Variants in DISC1 observed in about 807,000 individuals in gnomAD.
The protein encoded by DISC1 is disrupted in schizophrenia 1 protein.
In DISC1, 57 loss-of-function variants were observed where a neutral mutation model predicts 84.5. The ratio of observed to expected loss-of-function variants is 0.67; its 90% CI spans 0.55 to 0.84. The LOEUF (loss-of-function observed/expected upper bound fraction) is 0.84, where lower values mean the gene tolerates loss of function less well. DISC1 is among the 40% of genes least tolerant of loss of function. DISC1 has a pLI of 0.00. For synonymous variants in DISC1, 411 were observed against 415.2 expected (o/e 0.99, Z 0.12); for missense variants, 1,000 against 1,057.8 (o/e 0.95, Z 0.76).
intron 1 of DISC1, among the ~76,000 whole-genome samples, chr1:231,676,893 C>T (rs2063207194): frequency 6.6e-6 from 1 of 152,094 alleles, no homozygotes; most frequent in Admixed American, 6.6e-5. Flanking sequence ...TGGATGTTGC[C>T]AGGGGTTAGA....
chr1:231,805,601 A>G (rs1190010967), intron 8 of DISC1, among the ~76,000 whole-genome samples: 1 of 151,914 alleles, frequency 6.6e-6, no homozygotes, highest in Non-Finnish European at 1.5e-5. Flanking sequence ...AACTGCCCCT[A>G]TGATCCAATC....
intron 9 of DISC1, among the ~76,000 whole-genome samples, chr1:231,891,164 T>C (rs2087179052): frequency 1.3e-5 from 2 of 152,136 alleles, no homozygotes; most frequent in African/African-American, 4.8e-5. Flanking sequence ...AGGAGAATTG[T>C]CTTGGGCCAC....
At chr1:231,778,650 A>G (rs2125509808) in intron 6 of DISC1, among the ~76,000 whole-genome samples, 1 of 152,290 alleles carries the variant, frequency 6.6e-6, no homozygotes, top group African/African-American at 2.4e-5. Context: ...AACGTGGAAA[A>G]GTTTACCAGA....
chr1:231,686,839 C>A (rs545423437), intron 1 of DISC1, among the ~76,000 whole-genome samples: 1 of 152,166 alleles, frequency 6.6e-6, no homozygotes, highest in East Asian at 1.9e-4. Flanking sequence ...CCCATGTCAC[C>A]TCTTGAAGGC....
intron 6 of DISC1, among the ~76,000 whole-genome samples, chr1:231,790,678 T>C (rs1221524526): frequency 2.6e-5 from 4 of 151,790 alleles, no homozygotes; most frequent in Non-Finnish European, 4.4e-5. Context: ...GCCACCACGC[T>C]CGGCTAATTT....
chr1:231,685,885 T>C (rs1256114917), intron 1 of DISC1, among the ~76,000 whole-genome samples: 1 of 152,170 alleles, frequency 6.6e-6, no homozygotes, highest in African/African-American at 2.4e-5. Context: ...GGTACCAGTA[T>C]TGGGTAAATA....
chr1:231,884,602 C>T (rs114594092), intron 9 of DISC1, among the ~76,000 whole-genome samples: 76 of 152,122 alleles, frequency 5.0e-4, no homozygotes, highest in Non-Finnish European at 8.1e-4. Flanking sequence ...TATCTTCCTT[C>T]GGGTGTATAA....
chr1:231,666,267 G>T (rs1461882973), intron 1 of DISC1, among the ~76,000 whole-genome samples: 1 of 137,122 alleles, frequency 7.3e-6, no homozygotes, highest in Non-Finnish European at 1.5e-5. Context: ...CTTATATCTC[G>T]TAGAATGTCT....
At chr1:231,635,894 C>T (rs1283598055) in intron 1 of DISC1, among the ~76,000 whole-genome samples, 2 of 152,176 alleles carry the variant, frequency 1.3e-5, no homozygotes, top group East Asian at 3.9e-4. Context: ...CCTATAGTCC[C>T]GTGGAAAAAA....
chr1:231,686,547 A>G (rs976145682), intron 1 of DISC1, among the ~76,000 whole-genome samples: 2 of 152,232 alleles, frequency 1.3e-5, no homozygotes, highest in East Asian at 3.9e-4. Context: ...TGCACACAGC[A>G]TGGGGACCCT....
chr1:231,758,233 C>G (rs2075329835), intron 4 of DISC1, among the ~76,000 whole-genome samples: 1 of 152,182 alleles, frequency 6.6e-6, no homozygotes, highest in Non-Finnish European at 1.5e-5. Context: ...AACCTGTACT[C>G]AGGTCCCTGT....
chr1:232,014,820 C>G (rs1476333686), intron 11 of DISC1, among the ~76,000 whole-genome samples: 1 of 152,220 alleles, frequency 6.6e-6, no homozygotes, highest in African/African-American at 2.4e-5. Context: ...GCCTCCCCCT[C>G]TCTCTTAAAT....
intron 10 of DISC1, among the ~76,000 whole-genome samples, chr1:231,964,761 T>C (rs1202550623): frequency 6.6e-6 from 1 of 152,246 alleles, no homozygotes; most frequent in African/African-American, 2.4e-5. Context: ...AAAACAGTTT[T>C]AACACCTGAC....
intron 4 of DISC1, among the ~76,000 whole-genome samples, chr1:231,761,680 G>T (rs1431531961): frequency 3.9e-5 from 6 of 152,160 alleles, no homozygotes; most frequent in African/African-American, 1.4e-4. Context: ...CGACCCAGAT[G>T]GTATCTATTT....
intron 3 of DISC1, among the ~76,000 whole-genome samples, chr1:231,705,630 T>C (rs1289997468): frequency 6.6e-6 from 1 of 152,100 alleles, no homozygotes; most frequent in African/African-American, 2.4e-5. Context: ...TTATTTTAAA[T>C]TGATCACTAA....
chr1:231,640,503 T>C (rs892559729), intron 1 of DISC1, among the ~76,000 whole-genome samples: 5 of 151,246 alleles, frequency 3.3e-5, no homozygotes, highest in East Asian at 2.0e-4. Context: ...CTTCCAAAAC[T>C]GTGGGCTCAC....
intron 9 of DISC1, among the ~76,000 whole-genome samples, chr1:231,883,711 A>AG (rs1233401600): frequency 6.6e-6 from 1 of 152,128 alleles, no homozygotes; most frequent in African/African-American, 2.4e-5. Context: ...ATTCAAGGTA[A>AG]GGATGAGGAT....
At chr1:231,967,504 CT>C (rs1282225460) in intron 10 of DISC1, among the ~76,000 whole-genome samples, 4 of 152,168 alleles carry the variant, frequency 2.6e-5, no homozygotes, top group African/African-American at 9.7e-5. Flanking sequence ...AATTTTCTTA[CT>C]GATGAGTGCA....
At chr1:231,859,089 ACTT>A (rs1286885716) in intron 9 of DISC1, among the ~76,000 whole-genome samples, 6 of 152,106 alleles carry the variant, frequency 3.9e-5, no homozygotes, top group Non-Finnish European at 8.8e-5. Context: ...AAACCAGCAT[ACTT>A]CTGGTTCTGA....
Sources: allele counts gnomAD v4.1 joint callset (sites outside exome capture counted in the v4.1 genomes callset), GRCh38; gene constraint gnomAD v4.1.1; transcripts MANE v1.5; gene names NCBI Gene and HGNC (gene_info 2026-07-23, HGNC 2026-07-21).